Variants in MACROD2 observed in about 807,000 individuals in gnomAD.
MACROD2 encodes mono-ADP ribosylhydrolase 2, also known as ADP-ribose glycohydrolase MACROD2.
A neutral mutation model predicts 70.4 loss-of-function variants in MACROD2; 36 were observed. That is an observed-to-expected ratio of 0.51 (90% confidence interval 0.39 to 0.68). The LOEUF (loss-of-function observed/expected upper bound fraction) is 0.68. Among genes scored for constraint, MACROD2 ranks in the 30% least tolerant of loss-of-function variants. MACROD2 has a pLI of 0.00. For synonymous variants in MACROD2, 172 were observed against 178.8 expected, an observed-to-expected ratio of 0.96 and a Z score of 0.30; for missense variants, 496 against 538.4, an observed-to-expected ratio of 0.92 and a Z score of 0.78.
chr20:14,696,186 C>CGATA (rs202111628), intron 5 of MACROD2, among the ~76,000 whole-genome samples: 2,499 of 151,910 alleles, frequency 0.016, 71 homozygotes, highest in African/African-American at 0.056. Flanking sequence ...ATAGATAGAT[C>CGATA]GATAGATAGA....
rs147838070 is a variant in MACROD2, at chr20:15,675,120, CATACATATTT to C, written c.645+175276_645+175285del. ...AACAGTGTATTTCAGATTTGTCAAG[CATACATATTT>C]ATTTTTACATCCAAGCATTTTTATT... On this transcript the variant is annotated intron_variant, in intron 8 of 17. Coordinates refer to ENST00000684519, the MANE Select transcript of MACROD2 (RefSeq NM_001351661.2). Among the ~76,000 whole-genome samples, 1,338 of 152,286 alleles carry C rather than the reference CATACATATTT, an allele frequency of 8.8e-3. 12 individuals are homozygous for C. Among genetic ancestry groups the C allele is most frequent in the African/African-American group, 0.03 (1,263 of 41,544 alleles).
intron 4 of MACROD2, among the ~76,000 whole-genome samples, chr20:14,660,831 GT>G (rs1170241201): frequency 6.6e-6 from 1 of 151,916 alleles, no homozygotes; most frequent in Non-Finnish European, 1.5e-5. Context: ...ATTAATTGAC[GT>G]AGTGTAATGG....
chr20:15,854,128 G>T (rs958649532), intron 8 of MACROD2, among the ~76,000 whole-genome samples: 17 of 152,248 alleles, frequency 1.1e-4, no homozygotes, highest in African/African-American at 4.1e-4. Context: ...TAGTCACTCT[G>T]TTGATTAGGA....
chr20:15,194,233 G>A (rs968128316), intron 5 of MACROD2, among the ~76,000 whole-genome samples: 25 of 97,216 alleles, frequency 2.6e-4, no homozygotes, highest in African/African-American at 6.6e-4. Context: ...GTGACAGAGC[G>A]ACACTCTGTC....
At chr20:14,273,977 A>G (rs1186405929) in intron 3 of MACROD2, among the ~76,000 whole-genome samples, 1 of 152,176 alleles carries the variant, frequency 6.6e-6, no homozygotes, top group African/African-American at 2.4e-5. Context: ...GACCAATAAC[A>G]GGCTCTGGAA....
intron 3 of MACROD2, among the ~76,000 whole-genome samples, chr20:14,143,932 A>G (rs2094595719): frequency 6.6e-6 from 1 of 152,186 alleles, no homozygotes. Context: ...GTTCCTTTCA[A>G]AGTCAAAATA....
intron 8 of MACROD2, among the ~76,000 whole-genome samples, chr20:15,848,398 C>T (rs989816668): frequency 4.6e-5 from 7 of 151,864 alleles, no homozygotes; most frequent in South Asian, 4.2e-4. Context: ...GGATTAGTAA[C>T]GATTAGGAAG....
intron 2 of MACROD2, among the ~76,000 whole-genome samples, chr20:14,070,886 G>A (rs2053828244): frequency 6.6e-6 from 1 of 152,118 alleles, no homozygotes; most frequent in East Asian, 1.9e-4. Flanking sequence ...TGACGGCTAA[G>A]GGATCATCAG....
At chr20:14,658,636 TG>T (rs1322605591) in intron 4 of MACROD2, among the ~76,000 whole-genome samples, 1 of 152,148 alleles carries the variant, frequency 6.6e-6, no homozygotes, top group Non-Finnish European at 1.5e-5. Flanking sequence ...TTTTGGGAGA[TG>T]GAGTCTCACT....
At chr20:14,309,643 T>G (rs1304921315) in intron 3 of MACROD2, among the ~76,000 whole-genome samples, 1 of 152,176 alleles carries the variant, frequency 6.6e-6, no homozygotes, top group African/African-American at 2.4e-5. Context: ...ATTCACGCAT[T>G]TAGCCAGAAA....
chr20:15,657,384 G>T lies in MACROD2; in HGVS notation c.645+157537G>T, dbSNP rs1035294298. ...TTCGGCTACCTGTTGTTGCTGGTAT[G>T]GGGAGGGAGATGAATAAAAGCAGTT... is the stretch of plus-strand genomic sequence containing the variant. On this transcript the variant is annotated intron_variant, in intron 8 of 17. Transcript: ENST00000684519. Among the ~76,000 whole-genome samples, 5 of 152,182 alleles carry T rather than the reference G, an allele frequency of 3.3e-5. No homozygotes were observed. The South Asian group carries it at 6.2e-4, about 19-fold the overall frequency.
intron 8 of MACROD2, among the ~76,000 whole-genome samples, chr20:15,769,159 T>C (rs886504071): frequency 1.3e-5 from 2 of 152,230 alleles, no homozygotes; most frequent in Non-Finnish European, 2.9e-5. Flanking sequence ...GTTTTTTTGT[T>C]TTTTTTGAGA....
intron 8 of MACROD2, among the ~76,000 whole-genome samples, chr20:15,676,528 C>G (rs1158812143): frequency 1.3e-5 from 2 of 152,204 alleles, no homozygotes; most frequent in Non-Finnish European, 2.9e-5. Context: ...TTAATTTACT[C>G]AACATATCTT....
intron 7 of MACROD2, among the ~76,000 whole-genome samples, chr20:15,490,113 T>A (rs994551427): frequency 2.7e-5 from 4 of 148,544 alleles, no homozygotes; most frequent in African/African-American, 9.9e-5. Context: ...CACACCATAC[T>A]TTGCACACCT....
intron 5 of MACROD2, among the ~76,000 whole-genome samples, chr20:14,907,218 A>G (rs2073969545): frequency 6.6e-6 from 1 of 152,168 alleles, no homozygotes; most frequent in Admixed American, 6.5e-5. Flanking sequence ...TCTGCCCCTT[A>G]ATTTGCATAC....
intron 3 of MACROD2, among the ~76,000 whole-genome samples, chr20:14,278,048 G>A (rs1315871967): frequency 6.6e-6 from 1 of 152,168 alleles, no homozygotes; most frequent in African/African-American, 2.4e-5. Context: ...CCAACTTCAG[G>A]CTAAGACAAG....
chr20:15,782,679 G>A (rs1266853382), intron 8 of MACROD2, among the ~76,000 whole-genome samples: 1 of 135,556 alleles, frequency 7.4e-6, no homozygotes, highest in Non-Finnish European at 1.5e-5. Flanking sequence ...TCCAAGGAGA[G>A]GGGAAATAGA....
chr20:14,608,926 C>T (rs979152233), intron 4 of MACROD2, among the ~76,000 whole-genome samples: 3 of 152,060 alleles, frequency 2.0e-5, no homozygotes, highest in African/African-American at 7.3e-5. Flanking sequence ...AATACTACTA[C>T]CCTCAGATAA....
intron 3 of MACROD2, among the ~76,000 whole-genome samples, chr20:14,294,686 A>G (rs2082412817): frequency 6.6e-6 from 1 of 151,800 alleles, no homozygotes; most frequent in Non-Finnish European, 1.5e-5. Context: ...AAGAGTAGGC[A>G]TTGAGATGCT....
Sources: gnomAD v4.1 joint callset for allele counts (sites outside exome capture counted in the v4.1 genomes callset) on GRCh38, gnomAD v4.1.1 for gene constraint, MANE v1.5 for transcripts, NCBI Gene and HGNC (gene_info 2026-07-23, HGNC 2026-07-21) for gene names.